LRP10: variants seen among roughly 807,000 people sequenced by gnomAD.
LRP10 encodes the protein LDL receptor related protein 10, also known as low-density lipoprotein receptor-related protein 10.
LRP10 carries 42 observed loss-of-function variants against 58.5 expected under a neutral mutation model. That is an observed-to-expected ratio of 0.72 (90% confidence interval 0.56 to 0.93). The LOEUF (loss-of-function observed/expected upper bound fraction) is 0.93, where lower values mean the gene tolerates loss of function less well. LRP10 is among the 40% of genes least tolerant of loss of function. The pLI, the probability that LRP10 is intolerant of heterozygous loss-of-function variation, is 0.00. For missense variants in LRP10, 872 were observed against 940.1 expected, an observed-to-expected ratio of 0.93 and a Z score of 0.95; for synonymous variants, 377 against 388.5, an observed-to-expected ratio of 0.97 and a Z score of 0.35.
In LRP10 at chr14:22,876,217, C is replaced by G; in HGVS notation, c.1269C>G (p.Asp423Glu). 6.2e-7 allele frequency: 1 copy of G among 1,614,232 alleles called. No individual in the cohort carries two copies. Among genetic ancestry groups the G allele is most frequent in the Non-Finnish European group, 8.5e-7 (1 of 1,180,046 alleles). Residue 423 changes from aspartate (D) to glutamate (E), a missense_variant, in exon 5 of 7, where the codon GAC (aspartate) becomes GAG (glutamate). By Grantham distance (45) the Asp-to-Glu change is conservative. Transcript: ENST00000359591. ...YETWVCDGQP[D>E]CADGSDEWDC... ...CGTGGGTGTGCGATGGGCAGCCAGA[C>G]TGTGCGGACGGCAGTGATGAGTGGG...
In LRP10 at chr14:22,875,636, C is replaced by G. The variant is rs568860898; in HGVS notation, c.688C>G (p.Arg230Gly). The change falls in exon 5 of 7, where the codon CGG (arginine) becomes GGG (glycine). Residue 230 changes from arginine (R) to glycine (G), a missense_variant. By Grantham distance (125) the Arg-to-Gly change is moderately radical. Coordinates refer to ENST00000359591, the MANE Select transcript of LRP10 (RefSeq NM_014045.5). ...CHWLLDPHDGRRLAVRFTALD... is the reference protein window; with the variant it reads ...CHWLLDPHDGGRLAVRFTALD... ...TTGGCTGCTGGACCCCCATGATGGC[C>G]GGCGGCTGGCCGTGCGCTTCACAGC... 1.5e-5 allele frequency: 25 copies of G among 1,614,006 alleles called. No individual in the cohort carries two copies. The highest frequency in any genetic ancestry group is 2.0e-5 in the Non-Finnish European group (24 of 1,180,036).
In LRP10 at chr14:22,877,235, C is replaced by T; in HGVS notation, c.1850C>T (p.Pro617Leu). ...GQDGEQAPPLPIKAPLPSAST... is the reference protein window; with the variant it reads ...GQDGEQAPPLLIKAPLPSAST... ...GATGGGGAGCAGGCACCCCCACTGCCCATCAAGGCTCCCCTCCCATCTGCT... is the reference window on the plus strand; with the variant it reads ...GATGGGGAGCAGGCACCCCCACTGCTCATCAAGGCTCCCCTCCCATCTGCT... Residue 617 changes from proline (P) to leucine (L), a missense_variant, in exon 7 of 7, where the codon CCC becomes CTC. Physicochemically the swap from Pro to Leu is moderately conservative, Grantham distance 98. Coordinates refer to ENST00000359591, the MANE Select transcript of LRP10 (RefSeq NM_014045.5). The surrounding 1 kb of genome is among the most constrained non-coding windows in gnomAD (Gnocchi z 5.1). 4 of 1,605,708 alleles carry T rather than the reference C, an allele frequency of 2.5e-6. No individual in the cohort carries two copies. Among genetic ancestry groups the T allele is most frequent in the Non-Finnish European group, 3.4e-6 (4 of 1,175,828 alleles).
chr14:22,872,569 C>A (rs749854035), intron 1 of LRP10, among the ~76,000 whole-genome samples, 169 bp from the exon 2 acceptor site: 1 of 151,914 alleles, frequency 6.6e-6, no homozygotes, highest in African/African-American at 2.4e-5. Flanking sequence ...GGCCCTGCTG[C>A]CGGACCTTCC....
Position 22,877,450 on chromosome 14 carries a change from G to A in LRP10, c.2065G>A (p.Asp689Asn). 1 of 1,613,512 alleles carries A rather than the reference G, an allele frequency of 6.2e-7. No individual in the cohort carries two copies. The highest frequency in any genetic ancestry group is 8.5e-7 in the Non-Finnish European group (1 of 1,179,918). ...HTAVLALEDEDDVLLVPLAEP... is the reference protein window; with the variant it reads ...HTAVLALEDENDVLLVPLAEP... Reference sequence around the variant, plus strand: ...AGCAGTCCTGGCCCTGGAAGATGAGGACGATGTGCTACTGGTGCCACTGGC... The same window carrying A: ...AGCAGTCCTGGCCCTGGAAGATGAGAACGATGTGCTACTGGTGCCACTGGC... Residue 689 changes from aspartate to asparagine, a missense_variant, in exon 7 of 7, where the codon GAC becomes AAC. Asp to Asn is a conservative substitution (Grantham distance 23). Transcript: ENST00000359591. This position sits in a 1 kb window ranked among gnomAD's most constrained non-coding sequence, Gnocchi z 5.1.
rs1191228780 is a variant in LRP10, at chr14:22,877,931, G to C, written c.*404G>C. 1 of 166,012 alleles carries C rather than the reference G, an allele frequency of 6.0e-6. No individual in the cohort carries two copies. Among genetic ancestry groups the C allele is most frequent in the Non-Finnish European group, 1.3e-5 (1 of 77,694 alleles). 10.3% of individuals were successfully genotyped at this position (166,012 alleles called of 1,614,324 possible). A position where few individuals can be genotyped will look rare whatever the true frequency, so the allele number is the denominator to read the frequency against. Reference sequence around the variant, plus strand: ...TAACTAGAGACCCTCCAGCCCCCAAGGGGAGGATTTGGGCAGAACCTGAGG... The same window carrying C: ...TAACTAGAGACCCTCCAGCCCCCAACGGGAGGATTTGGGCAGAACCTGAGG... On this transcript the variant is annotated 3_prime_UTR_variant, in exon 7 of 7. Transcript: ENST00000359591. This position sits in a 1 kb window ranked among gnomAD's most constrained non-coding sequence, Gnocchi z 5.1.
intron 2 of LRP10, 142 bp downstream of exon 2, chr14:22,872,924 C>A (rs1032434639): frequency 2.4e-6 from 2 of 823,832 alleles, no homozygotes; most frequent in Non-Finnish European, 3.9e-6. Flanking sequence ...GATAAGGAAG[C>A]TGAGGCTCGG....
At position 22,878,207 on chromosome 14, in the gene LRP10, A is replaced by G. The variant is rs185573210; in HGVS notation, c.*680A>G. On this transcript the variant is annotated 3_prime_UTR_variant, in exon 7 of 7. Transcript: ENST00000359591. ...TCTACCTCCTGCCCTCTTCCTGTTC[A>G]TCTCCCAACCACTGCACTCTTGATT... The G allele has an allele frequency of 6.6e-6, 1 of 152,322 alleles. No homozygotes were observed. The highest frequency in any genetic ancestry group is 2.4e-5 in the African/African-American group (1 of 41,498). 9.4% of individuals were successfully genotyped at this position (152,322 alleles called of 1,614,324 possible).
intron 2 of LRP10, chr14:22,873,015 G>A: frequency 3.3e-6 from 2 of 605,600 alleles, no homozygotes; most frequent in South Asian, 2.1e-5. Context: ...TAACCAGGAT[G>A]TAGTCTCCCT....
intron 5 of LRP10, 30 bp from the exon 6 acceptor site, chr14:22,876,659 C>G (rs771654023): frequency 2.1e-5 from 33 of 1,608,356 alleles, no homozygotes; most frequent in Non-Finnish European, 2.7e-5. Flanking sequence ...CGAGAACTAC[C>G]AGTGACTGAG....
intron 1 of LRP10, 99 bp from the exon 2 acceptor site, chr14:22,872,639 T>A: frequency 8.4e-7 from 1 of 1,197,064 alleles, no homozygotes; most frequent in Non-Finnish European, 1.2e-6. Flanking sequence ...TCCGATTAAC[T>A]GCCCGGAAGT....
rs1478025125 is a variant in LRP10 at position 22,879,577 on chromosome 14, G to A, written c.*2050G>A. On this transcript the variant is annotated 3_prime_UTR_variant, in exon 7 of 7. Transcript: ENST00000359591. ...AGACCTTTTCTCTCCTAGTGGTATTGCAAACTGAAAGTGGACAAAGACTTA... is the reference window on the plus strand; with the variant it reads ...AGACCTTTTCTCTCCTAGTGGTATTACAAACTGAAAGTGGACAAAGACTTA... 1.2e-5 allele frequency: 2 copies of A among 169,522 alleles called. No homozygotes were observed. Among genetic ancestry groups the A allele is most frequent in the Admixed American group, 5.7e-5 (1 of 17,688 alleles). The allele number at this position is 169,522 out of a possible 1,614,324, so 10.5% of individuals were successfully genotyped here.
Position 22,876,957 on chromosome 14 carries a change from C to T in LRP10, c.1572C>T (p.Asn524=), listed in dbSNP as rs1352684384. 6.3e-7 allele frequency: 1 copy of T among 1,589,176 alleles called. No homozygotes were observed. Among genetic ancestry groups the T allele is most frequent in the South Asian group, 1.1e-5 (1 of 87,782 alleles). The change falls in exon 7 of 7, where the codon AAC becomes AAT. Residue 524 remains asparagine (N), a synonymous_variant. Coordinates refer to ENST00000359591, the MANE Select transcript of LRP10 (RefSeq NM_014045.5). ...ENPNDNSVLG[N]LRSLLQILRQ... ...CCTTGCAGAACTCAGTGCTGGGCAA[C>T]CTGCGTTCTCTGCTACAGATCTTAC...
Position 22,875,815 on chromosome 14 carries a change from A to G in LRP10, c.867A>G (p.Thr289=), listed in dbSNP as rs748879922. ...LSGQAVVSYH[T]VAWSNGRGFN... is the part of the protein sequence containing the mutation. ...GCCAGGCTGTTGTGTCCTACCACAC[A>G]GTTGCTTGGAGCAATGGTCGTGGCT... is the stretch of plus-strand genomic sequence containing the variant. Residue 289 remains threonine, a synonymous_variant, in exon 5 of 7, where the codon ACA becomes ACG. Transcript: ENST00000359591. 11 of 1,614,150 alleles carry G rather than the reference A, an allele frequency of 6.8e-6. No homozygotes were observed. The highest frequency in any genetic ancestry group is 9.3e-6 in the Non-Finnish European group (11 of 1,180,032).
rs918645073 is a variant in LRP10, at chr14:22,875,226, C to T, written c.387C>T (p.Phe129=). ...AGARAPMGQG[F]LLSYSQDWLM... ...CCAGAGCACCCATGGGCCAGGGCTT[C>T]CTGCTCTCCTACAGCCAAGGTAGGC... Residue 129 remains phenylalanine (F), a synonymous_variant, in exon 4 of 7, where the codon TTC becomes TTT. Transcript: ENST00000359591. 2.5e-6 allele frequency: 4 copies of T among 1,601,380 alleles called. No homozygotes were observed. The African/African-American group carries it at 4.0e-5, about 16-fold the overall frequency.
At chr14:22,874,401 C>G (rs1015475387) in intron 3 of LRP10, among the ~76,000 whole-genome samples, 7 of 152,150 alleles carry the variant, frequency 4.6e-5, no homozygotes. Flanking sequence ...ATGGTAATCA[C>G]CAGTTACTGC....
In LRP10 at chr14:22,879,545, T is replaced by C; in HGVS notation, c.*2018T>C. On this transcript the variant is annotated 3_prime_UTR_variant, in exon 7 of 7. Coordinates refer to ENST00000359591, the MANE Select transcript of LRP10 (RefSeq NM_014045.5). ...ACCTGCAGCCTGATATCTTCATCCC[T>C]TCATCCAGACCTTTTCTCTCCTAGT... 1 of 199,798 alleles carries C rather than the reference T, an allele frequency of 5.0e-6. No individual in the cohort carries two copies. Among genetic ancestry groups the C allele is most frequent in the Non-Finnish European group, 1.1e-5 (1 of 91,390 alleles). 12.4% of individuals were successfully genotyped at this position (199,798 alleles called of 1,614,324 possible). A position where few individuals can be genotyped will look rare whatever the true frequency, so the allele number is the denominator to read the frequency against.
chr14:22,874,691 C>T (rs2039984717), intron 3 of LRP10, among the ~76,000 whole-genome samples: 1 of 152,164 alleles, frequency 6.6e-6, no homozygotes, highest in Non-Finnish European at 1.5e-5. Context: ...AGTTCGAGAC[C>T]AGCCTGACCA....
At position 22,875,350 on chromosome 14, in the gene LRP10, T is replaced by C; in HGVS notation, c.407-5T>C. 6.2e-7 allele frequency: 1 copy of C among 1,609,448 alleles called. No homozygotes were observed. The highest frequency in any genetic ancestry group is 2.2e-5 in the East Asian group (1 of 44,796). ...TCACAGCCCCTCTCCATGGTGCCTC[T>C]GCAGATTGGCTGATGTGCCTGCAGG... is the stretch of plus-strand genomic sequence containing the variant. On this transcript the variant is annotated splice_region_variant and splice_polypyrimidine_tract_variant and intron_variant, in intron 4 of 6. Transcript: ENST00000359591.
Position 22,875,150 on chromosome 14 carries a change from C to T in LRP10, c.311C>T (p.Pro104Leu), listed in dbSNP as rs761808776. 29 of 1,613,732 alleles carry T rather than the reference C, an allele frequency of 1.8e-5. No homozygotes were observed. The highest frequency in any genetic ancestry group is 1.6e-4 in the Middle Eastern group (1 of 6,084). Residue 104 changes from proline to leucine, a missense_variant, in exon 4 of 7, where the codon CCT becomes CTT. Coordinates refer to ENST00000359591, the MANE Select transcript of LRP10 (RefSeq NM_014045.5). ...TCCCTGTGTGAGGCACCTCCCAGCC[C>T]TCTGCAGCTGCCCGGGGGCAACGTC... is the stretch of plus-strand genomic sequence containing the variant. ...LISLCEAPPS[P>L]LQLPGGNVTI... is the part of the protein sequence containing the mutation.
Sources: allele counts gnomAD v4.1 joint callset (sites outside exome capture counted in the v4.1 genomes callset), GRCh38; gene constraint gnomAD v4.1.1; non-coding constraint Gnocchi (gnomAD v3.1); transcripts MANE v1.5; gene names NCBI Gene and HGNC (gene_info 2026-07-23, HGNC 2026-07-21).